CELF2: variants seen among roughly 807,000 people sequenced by gnomAD.
CELF2 encodes the protein CUGBP Elav-like family member 2.
CELF2 carries 8 observed loss-of-function variants against 62.6 expected under a neutral mutation model. That is an observed-to-expected ratio of 0.13 (90% CI 0.07 to 0.23). The LOEUF (loss-of-function observed/expected upper bound fraction) is 0.23. Among genes scored for constraint, CELF2 ranks in the 10% least tolerant of loss-of-function variants. CELF2 has a pLI of 1.00. For synonymous variants in CELF2, 258 were observed against 250.0 expected (o/e 1.03, Z -0.30); for missense variants, 333 against 671.0 (o/e 0.50, Z 5.56).
At position 10,937,790 on chromosome 10, in the gene CELF2, A is replaced by T. The variant is rs1196374704; in HGVS notation, c.89+17791A>T. On this transcript the variant is annotated intron_variant, in intron 2 of 13. Transcript: ENST00000636488. ...TTCCTAGATGTTCTCATTCTGTATC[A>T]GTGGCTGTAGACAGTGTAAGTCTAG... 2.0e-5 allele frequency among the ~76,000 whole-genome samples: 3 copies of T among 152,328 alleles called. No homozygotes were observed. The East Asian group carries it at 5.8e-4, about 29-fold the overall frequency.
the CELF2 span, among the ~76,000 whole-genome samples, chr10:10,717,947 T>C: frequency 6.6e-6 from 1 of 152,262 alleles, no homozygotes; most frequent in Middle Eastern, 3.4e-3. Context: ...AATGGCAGAA[T>C]TCTGTTTCCT....
chr10:10,767,995 C>CAAAAAA, the CELF2 span, among the ~76,000 whole-genome samples: 24 of 23,048 alleles, frequency 1.0e-3, no homozygotes, highest in African/African-American at 4.2e-3. Context: ...GACTCCGTCT[C>CAAAAAA]AAAAAAAAAA....
chr10:11,252,187 G>A lies in CELF2; in HGVS notation c.403+2986G>A, dbSNP rs187423524. ...GGAGGAATATGTAGTTTTCTAAAGC[G>A]AGTGATAAAAGCCACAAGCCTTTTC... On this transcript the variant is annotated intron_variant, in intron 4 of 12. Coordinates refer to ENST00000633077, the MANE Select transcript of CELF2 (RefSeq NM_001326342.2). Among the ~76,000 whole-genome samples, 16 of 152,324 alleles carry A rather than the reference G, an allele frequency of 1.1e-4. No homozygotes were observed. In the East Asian group the frequency reaches 1.5e-3, roughly 15 times the overall value.
At chr10:10,836,696 C>G (rs900981271) in intron 1 of CELF2, among the ~76,000 whole-genome samples, 2 of 152,188 alleles carry the variant, frequency 1.3e-5, no homozygotes, top group African/African-American at 4.8e-5. Context: ...AGTGCCATGG[C>G]ACGATCTTGG....
At chr10:11,027,753 AGAATGC>A (rs2059460294) in intron 1 of CELF2, among the ~76,000 whole-genome samples, 1 of 152,216 alleles carries the variant, frequency 6.6e-6, no homozygotes, top group Non-Finnish European at 1.5e-5. Flanking sequence ...CTGTCTTATG[AGAATGC>A]CTGGCCTGCC....
rs764164019 is a variant in CELF2, at chr10:11,010,543, A to T, written c.53+5103A>T. Among the ~76,000 whole-genome samples the T allele has an allele frequency of 4.6e-5, 7 of 152,224 alleles. No homozygotes were observed. The highest frequency in any genetic ancestry group is 7.2e-5 in the African/African-American group (3 of 41,454). ...TTTGATCTTGTATAATTTAATCCTC[A>T]GATATCCAAGAGTTAATGGTAGTTG... is the stretch of plus-strand genomic sequence containing the variant. On this transcript the variant is annotated intron_variant, in intron 1 of 12. Coordinates refer to the CELF2 transcript ENST00000416382. This position sits in a 1 kb window ranked among gnomAD's most constrained non-coding sequence, Gnocchi z 4.1.
the CELF2 span, among the ~76,000 whole-genome samples, chr10:10,496,809 G>A: frequency 2.0e-3 from 304 of 152,212 alleles, 1 homozygote; most frequent in African/African-American, 6.8e-3. Context: ...GAGAAGTTTG[G>A]GGGTGTGGAG....
chr10:11,085,304 C>A (rs550156094), intron 1 of CELF2, among the ~76,000 whole-genome samples: 63 of 152,296 alleles, frequency 4.1e-4, no homozygotes, highest in Middle Eastern at 3.4e-3. Flanking sequence ...AGTGGCTGGC[C>A]TGGGTCTAGA....
intron 1 of CELF2, among the ~76,000 whole-genome samples, chr10:11,088,680 T>C (rs1161789266): frequency 1.3e-5 from 2 of 152,218 alleles, no homozygotes; most frequent in Non-Finnish European, 2.9e-5. Flanking sequence ...TGGGTACTGC[T>C]GTGTAACACA....
intron 2 of CELF2, among the ~76,000 whole-genome samples, chr10:10,940,080 C>A (rs2046886388): frequency 6.6e-6 from 1 of 152,026 alleles, no homozygotes; most frequent in African/African-American, 2.4e-5. Flanking sequence ...AACCTAATAT[C>A]TAAATTTTAT....
chr10:10,560,515 GTTCCC>G, the CELF2 span, among the ~76,000 whole-genome samples: 1 of 152,072 alleles, frequency 6.6e-6, no homozygotes, highest in Non-Finnish European at 1.5e-5. Flanking sequence ...TCACTCACCG[GTTCCC>G]TCCACTTGTA....
chr10:11,001,042 C>T (rs2054468640), upstream of CELF2, among the ~76,000 whole-genome samples: 1 of 152,182 alleles, frequency 6.6e-6, no homozygotes, highest in African/African-American at 2.4e-5. Flanking sequence ...GAACGTTCAT[C>T]CATTTGCACG....
chr10:10,961,923 A>G (rs1033460261), intron 2 of CELF2, among the ~76,000 whole-genome samples: 8 of 151,006 alleles, frequency 5.3e-5, no homozygotes, highest in Admixed American at 4.6e-4. Flanking sequence ...ACTAATCTCA[A>G]ATTAACAAAG....
rs117289531 is a variant in CELF2 at position 11,315,123 on chromosome 10, G to A, written c.1096+865G>A. Among the ~76,000 whole-genome samples the A allele has an allele frequency of 3.5e-4, 53 of 152,264 alleles. 1 individual carries two copies. Among genetic ancestry groups the A allele is most frequent in the Non-Finnish European group, 6.3e-4 (43 of 68,030 alleles). ...TAAGTCGTGTTTTAGATTCATGCTC[G>A]GTGTGGGTTCCTGTACTGAGGAAAC... On this transcript the variant is annotated intron_variant, in intron 10 of 12. Coordinates refer to ENST00000633077, the MANE Select transcript of CELF2 (RefSeq NM_001326342.2). The surrounding 1 kb of genome is among the most constrained non-coding windows in gnomAD (Gnocchi z 5.8).
Position 11,270,909 on chromosome 10 carries a change from T to G in CELF2, c.777+85T>G. ...TCCCCTCCCTACGCTGAGGCATTTGTTTTCAGTACATTTTCAATCTCGGGG... is the reference window on the plus strand; with the variant it reads ...TCCCCTCCCTACGCTGAGGCATTTGGTTTCAGTACATTTTCAATCTCGGGG... On this transcript the variant is annotated intron_variant, in intron 7 of 12. Transcript: ENST00000633077. The surrounding 1 kb of genome is among the most constrained non-coding windows in gnomAD (Gnocchi z 5.8). 1 of 1,197,574 alleles carries G rather than the reference T, an allele frequency of 8.4e-7. No homozygotes were observed. Among genetic ancestry groups the G allele is most frequent in the Non-Finnish European group, 1.1e-6 (1 of 912,936 alleles). The allele number at this position is 1,197,574 out of a possible 1,614,324, so 74.2% of individuals were successfully genotyped here.
chr10:10,941,249 A>C (rs2047016503), intron 2 of CELF2, among the ~76,000 whole-genome samples: 1 of 152,176 alleles, frequency 6.6e-6, no homozygotes, highest in South Asian at 2.1e-4. Context: ...ACCATAGCCA[A>C]CTTGGACTGA....
At chr10:10,921,256 G>A (rs915481246) in intron 2 of CELF2, among the ~76,000 whole-genome samples, 1 of 148,330 alleles carries the variant, frequency 6.7e-6, no homozygotes, top group African/African-American at 2.5e-5. Flanking sequence ...TGCCCGGCCA[G>A]GTGTTTGTTT....
the CELF2 span, among the ~76,000 whole-genome samples, chr10:10,590,293 C>T: frequency 3.3e-5 from 5 of 152,286 alleles, no homozygotes; most frequent in East Asian, 5.8e-4. Flanking sequence ...CTATTTGAAA[C>T]CCACAGATAA....
In CELF2 at chr10:10,835,443, C is replaced by T. The variant is rs756626677; in HGVS notation, c.53+36626C>T. ...TGTCACCCAGGCTGGAGTGCAGTGG[C>T]GCAATCTCGGCTCACTGCAACCTCT... is the stretch of plus-strand genomic sequence containing the variant. On this transcript the variant is annotated intron_variant, in intron 1 of 13. Transcript: ENST00000636488. Among the ~76,000 whole-genome samples the T allele has an allele frequency of 2.0e-4, 30 of 150,914 alleles. 1 individual carries two copies. Among genetic ancestry groups the T allele is most frequent in the African/African-American group, 4.2e-4 (17 of 40,956 alleles).
Sources: allele counts gnomAD v4.1 joint callset (sites outside exome capture counted in the v4.1 genomes callset), GRCh38; gene constraint gnomAD v4.1.1; non-coding constraint Gnocchi (gnomAD v3.1); transcripts MANE v1.5; gene names NCBI Gene and HGNC (gene_info 2026-07-23, HGNC 2026-07-21).